The following GRM7 variants were observed in gnomAD, a reference collection of about 807,000 sequenced individuals.
GRM7 encodes the protein metabotropic glutamate receptor 7.
In GRM7, 35 loss-of-function variants were observed where a neutral mutation model predicts 84.5. The ratio of observed to expected loss-of-function variants is 0.41; its 90% confidence interval spans 0.32 to 0.55. The LOEUF is 0.55. Ranked by LOEUF, GRM7 falls within the 20% of genes least tolerant of loss-of-function variation. GRM7 has a pLI of 0.19. For missense variants in GRM7, 1,003 were observed against 1,194.6 expected (o/e 0.84, Z 2.36); for synonymous variants, 487 against 455.1 (o/e 1.07, Z -0.89).
At chr3:7,536,824 G>T (rs190933082) in intron 7 of GRM7, among the ~76,000 whole-genome samples, 25 of 152,282 alleles carry the variant, frequency 1.6e-4, no homozygotes, top group Admixed American at 3.9e-4. Context: ...TCTCATGAGA[G>T]AATTTGAGAT....
intron 7 of GRM7, among the ~76,000 whole-genome samples, chr3:7,509,202 A>G (rs1344737830): frequency 6.6e-6 from 1 of 152,152 alleles, no homozygotes; most frequent in Non-Finnish European, 1.5e-5. Context: ...GTACAGTCTA[A>G]TAAGATATTT....
intron 1 of GRM7, among the ~76,000 whole-genome samples, chr3:7,001,654 T>C (rs1357952139): frequency 6.6e-6 from 1 of 151,990 alleles, no homozygotes; most frequent in Non-Finnish European, 1.5e-5. Context: ...AGGAAAGTGA[T>C]TTCACTTTTA....
intron 8 of GRM7, among the ~76,000 whole-genome samples, chr3:7,582,895 CACT>C (rs1284245966): frequency 1.3e-5 from 2 of 152,150 alleles, no homozygotes; most frequent in Non-Finnish European, 2.9e-5. Context: ...TAGAACTATT[CACT>C]TTTCAAGTTT....
chr3:6,952,713 T>C (rs1005672914), intron 1 of GRM7, among the ~76,000 whole-genome samples: 2 of 152,198 alleles, frequency 1.3e-5, no homozygotes, highest in Non-Finnish European at 2.9e-5. Context: ...TTGTTTTGCT[T>C]TTTGTTTTGT....
intron 1 of GRM7, among the ~76,000 whole-genome samples, chr3:7,092,606 G>A (rs1698707732): frequency 6.7e-6 from 1 of 149,190 alleles, no homozygotes; most frequent in South Asian, 2.2e-4. Context: ...GAATTGGGGG[G>A]GGGGCAATTT....
intron 2 of GRM7, among the ~76,000 whole-genome samples, chr3:7,162,983 C>G (rs947926965): frequency 2.6e-5 from 4 of 151,854 alleles, no homozygotes; most frequent in Non-Finnish European, 5.9e-5. Context: ...TGGTCTTGAA[C>G]TCCTGACCTC....
chr3:6,965,673 C>G (rs1281172515), intron 1 of GRM7, among the ~76,000 whole-genome samples: 4 of 152,046 alleles, frequency 2.6e-5, no homozygotes, highest in African/African-American at 9.7e-5. Flanking sequence ...CCTGCCTGCA[C>G]CTGATAGGTC....
chr3:7,550,048 C>G (rs982734874), intron 7 of GRM7, among the ~76,000 whole-genome samples: 33 of 152,230 alleles, frequency 2.2e-4, no homozygotes, highest in African/African-American at 7.9e-4. Context: ...TCATCCTCCC[C>G]CTCTTTACAT....
At chr3:7,286,918 A>G (rs1699450947) in intron 2 of GRM7, among the ~76,000 whole-genome samples, 1 of 152,116 alleles carries the variant, frequency 6.6e-6, no homozygotes, top group Admixed American at 6.6e-5. Flanking sequence ...TGTGGCAAAA[A>G]TAATGTTACA....
chr3:6,862,680 A>C lies in GRM7; in HGVS notation c.519+773A>C. 2 of 99,368 alleles carry C rather than the reference A, an allele frequency of 2.0e-5. No individual in the cohort carries two copies. Among genetic ancestry groups the C allele is most frequent in the South Asian group, 9.6e-5 (1 of 10,452 alleles). 6.2% of individuals were successfully genotyped at this position (99,368 alleles called of 1,614,324 possible). A position where few individuals can be genotyped will look rare whatever the true frequency, so the allele number is the denominator to read the frequency against. On this transcript the variant is annotated intron_variant, in intron 1 of 9. Coordinates refer to ENST00000357716, the MANE Select transcript of GRM7 (RefSeq NM_000844.4). The surrounding 1 kb of genome is among the most constrained non-coding windows in gnomAD (Gnocchi z 5.2). ...CACTTCAGACCTCAGCCCAGGGATG[A>C]GCTCACGCGAAACGAAATCGCTCTC... is the stretch of plus-strand genomic sequence containing the variant.
chr3:7,043,022 G>C (rs893434129), intron 1 of GRM7, among the ~76,000 whole-genome samples: 1 of 152,104 alleles, frequency 6.6e-6, no homozygotes, highest in South Asian at 2.1e-4. Flanking sequence ...GCTAAGTTTT[G>C]CTCCACTTCT....
chr3:7,568,618 C>T (rs895517074), intron 7 of GRM7, among the ~76,000 whole-genome samples: 5 of 152,204 alleles, frequency 3.3e-5, no homozygotes, highest in African/African-American at 7.2e-5. Flanking sequence ...AAGCGGGAAC[C>T]GGGGCTGCCC....
chr3:7,207,066 A>G (rs1481895042), intron 2 of GRM7, among the ~76,000 whole-genome samples: 1 of 152,338 alleles, frequency 6.6e-6, no homozygotes, highest in African/African-American at 2.4e-5. Flanking sequence ...TGTAATCTGA[A>G]AGAGAAATAG....
chr3:7,022,869 T>C (rs1191755086), intron 1 of GRM7, among the ~76,000 whole-genome samples: 1 of 152,118 alleles, frequency 6.6e-6, no homozygotes, highest in Non-Finnish European at 1.5e-5. Context: ...AGAAAAAGCA[T>C]ACAAAATTTA....
chr3:7,607,649 G>A (rs1427311441), intron 8 of GRM7: 1 of 151,876 alleles, frequency 6.6e-6, no homozygotes, highest in Non-Finnish European at 1.5e-5. Context: ...ATTGGCTGGG[G>A]AGCGGGGGGC....
At chr3:6,988,121 A>G (rs1173700631) in intron 1 of GRM7, among the ~76,000 whole-genome samples, 4 of 147,524 alleles carry the variant, frequency 2.7e-5, no homozygotes, top group Non-Finnish European at 4.5e-5. Context: ...CTCAGCCTCC[A>G]GAGTAGCTGG....
intron 1 of GRM7, among the ~76,000 whole-genome samples, chr3:6,871,244 A>C (rs573002723): frequency 1.3e-5 from 2 of 152,192 alleles, no homozygotes; most frequent in Non-Finnish European, 2.9e-5. Context: ...TTATAATTGC[A>C]ACCATATTTT....
intron 7 of GRM7, among the ~76,000 whole-genome samples, chr3:7,575,430 TC>T (rs1694911623): frequency 6.6e-6 from 1 of 152,228 alleles, no homozygotes; most frequent in South Asian, 2.1e-4. Context: ...CTGTTAGCCT[TC>T]TTGCAAAGTA....
chr3:7,069,242 A>T (rs1471130947), intron 1 of GRM7, among the ~76,000 whole-genome samples: 1 of 151,958 alleles, frequency 6.6e-6, no homozygotes, highest in Admixed American at 6.6e-5. Flanking sequence ...TCGCACTGCT[A>T]GGCTGAAGGA....
Sources: allele counts gnomAD v4.1 joint callset (sites outside exome capture counted in the v4.1 genomes callset), GRCh38; gene constraint gnomAD v4.1.1; non-coding constraint Gnocchi (gnomAD v3.1); transcripts MANE v1.5; gene names NCBI Gene and HGNC (gene_info 2026-07-23, HGNC 2026-07-21).